The following CPNE8 variants were observed in gnomAD, a reference collection of about 807,000 sequenced individuals.
CPNE8 encodes copine 8.
CPNE8 carries 45 observed loss-of-function variants against 81.5 expected under a neutral mutation model. That is an observed-to-expected ratio of 0.55 (90% CI 0.44 to 0.71). The LOEUF is 0.71. Ranked by LOEUF, CPNE8 falls within the 30% of genes least tolerant of loss-of-function variation. The pLI is 0.00. For synonymous variants in CPNE8, 252 were observed against 226.3 expected (o/e 1.11, Z -1.02); for missense variants, 594 against 672.1 (o/e 0.88, Z 1.28).
intron 1 of CPNE8, among the ~76,000 whole-genome samples, chr12:38,885,778 T>C (rs370128333): frequency 1.4e-4 from 21 of 151,574 alleles, no homozygotes; most frequent in African/African-American, 4.9e-4. Context: ...GGGTGGGAGG[T>C]GACTGGATCA....
chr12:38,662,080 C>G (rs1403328032), intron 19 of CPNE8, among the ~76,000 whole-genome samples: 1 of 152,100 alleles, frequency 6.6e-6, no homozygotes, highest in East Asian at 1.9e-4. Context: ...AAAACTTTTC[C>G]TCAAAGAACT....
chr12:38,873,092 TG>T, intron 2 of CPNE8, 42 bp from the exon 3 acceptor site: 1 of 1,239,836 alleles, frequency 8.1e-7, no homozygotes, highest in Non-Finnish European at 1.2e-6. Context: ...ATGTCTTTTA[TG>T]AAAATCATAT....
intron 1 of CPNE8, among the ~76,000 whole-genome samples, chr12:38,902,315 G>GGAAAGAAAGAAA (rs201678434): frequency 2.0e-4 from 17 of 83,814 alleles, no homozygotes; most frequent in East Asian, 7.2e-4. Context: ...AAGGAAGGAA[G>GGAAAGAAAGAAA]GAAAGAAAGA....
At chr12:38,736,262 T>C (rs1337670076) in intron 10 of CPNE8, among the ~76,000 whole-genome samples, 1 of 143,086 alleles carries the variant, frequency 7.0e-6, no homozygotes. Flanking sequence ...TCTATAATTC[T>C]AAATTTTAGT....
chr12:38,733,233 C>T (rs2136771299), intron 10 of CPNE8, among the ~76,000 whole-genome samples: 1 of 151,966 alleles, frequency 6.6e-6, no homozygotes, highest in African/African-American at 2.4e-5. Flanking sequence ...TATTTTTATA[C>T]TTTCTAACCT....
intron 6 of CPNE8, among the ~76,000 whole-genome samples, chr12:38,807,715 C>T (rs1942842865): frequency 1.3e-5 from 2 of 150,892 alleles, no homozygotes; most frequent in Non-Finnish European, 3.0e-5. Flanking sequence ...GTCTAAAACA[C>T]CAAAAGCAAT....
intron 7 of CPNE8, among the ~76,000 whole-genome samples, chr12:38,771,223 G>A (rs937925513): frequency 6.6e-6 from 1 of 151,936 alleles, no homozygotes; most frequent in Non-Finnish European, 1.5e-5. Context: ...CTTTGGGAGG[G>A]CAAGGGGGGC....
At chr12:38,899,488 T>A (rs923824880) in intron 1 of CPNE8, among the ~76,000 whole-genome samples, 21 of 152,186 alleles carry the variant, frequency 1.4e-4, no homozygotes, top group Non-Finnish European at 2.6e-4. Context: ...AGCCACCTTG[T>A]CTCTGGTACT....
intron 6 of CPNE8, among the ~76,000 whole-genome samples, chr12:38,791,815 G>A (rs761618204): frequency 4.6e-5 from 7 of 151,336 alleles, no homozygotes; most frequent in Non-Finnish European, 1.0e-4. Flanking sequence ...ACTATCTCCA[G>A]GACAGACCAC....
intron 10 of CPNE8, among the ~76,000 whole-genome samples, chr12:38,741,151 T>C (rs1277552034): frequency 6.6e-6 from 1 of 152,154 alleles, no homozygotes; most frequent in African/African-American, 2.4e-5. Context: ...AAGCTACCAA[T>C]GACTTTCTTC....
At chr12:38,856,615 G>A (rs534072157) in intron 3 of CPNE8, among the ~76,000 whole-genome samples, 7 of 152,198 alleles carry the variant, frequency 4.6e-5, no homozygotes, top group Admixed American at 2.6e-4. Flanking sequence ...ATTCTGAATC[G>A]ATAAAATAAA....
At chr12:38,718,899 T>C (rs1237493671) in intron 13 of CPNE8, among the ~76,000 whole-genome samples, 1 of 152,202 alleles carries the variant, frequency 6.6e-6, no homozygotes, top group Non-Finnish European at 1.5e-5. Flanking sequence ...AGTGACATAC[T>C]AGCATATACA....
At chr12:38,885,886 C>T (rs765722432) in intron 1 of CPNE8, among the ~76,000 whole-genome samples, 1 of 152,176 alleles carries the variant, frequency 6.6e-6, no homozygotes, top group Non-Finnish European at 1.5e-5. Context: ...CTCTCTCTCT[C>T]CTGCTCCACC....
intron 3 of CPNE8, among the ~76,000 whole-genome samples, chr12:38,858,321 TC>T (rs1943777336): frequency 6.6e-6 from 1 of 152,196 alleles, no homozygotes. Context: ...CTGGGAGGGT[TC>T]TTAGCTTCAC....
intron 19 of CPNE8, among the ~76,000 whole-genome samples, chr12:38,656,505 C>T (rs1253433890): frequency 3.9e-5 from 6 of 152,116 alleles, no homozygotes; most frequent in African/African-American, 1.4e-4. Flanking sequence ...CTTGCTCCTA[C>T]ATTATGGACA....
rs952912189 is a variant in CPNE8, at chr12:38,735,542, T to C, written c.723-5184A>G. Among the ~76,000 whole-genome samples the C allele has an allele frequency of 7.9e-5, 12 of 152,166 alleles. No homozygotes were observed. In the East Asian group the frequency reaches 2.1e-3, roughly 27 times the overall value. On this transcript the variant is annotated intron_variant, in intron 10 of 19. Transcript: ENST00000331366. ...TTTTGCTAACTTTCTTTGCTTTTGT[T>C]GTAGGCATAGTGTTTGACAAACTTC... is the stretch of plus-strand genomic sequence containing the variant.
rs938620965 is a variant in CPNE8, at chr12:38,865,823, C to T, written c.186+7181G>A. On this transcript the variant is annotated intron_variant, in intron 3 of 19. Coordinates refer to ENST00000331366, the MANE Select transcript of CPNE8 (RefSeq NM_153634.3). Reference sequence around the variant, plus strand: ...AAAATATTCTGGATTTGCTTTTCAGCTAACAACCAGCAAAGTTCTGTCTAA... The same window carrying T: ...AAAATATTCTGGATTTGCTTTTCAGTTAACAACCAGCAAAGTTCTGTCTAA... Among the ~76,000 whole-genome samples, 8 of 152,298 alleles carry T rather than the reference C, an allele frequency of 5.3e-5. No homozygotes were observed. The East Asian group carries it at 7.7e-4, about 15-fold the overall frequency.
chr12:38,737,365 A>G (rs1940980163), intron 10 of CPNE8, among the ~76,000 whole-genome samples: 1 of 152,122 alleles, frequency 6.6e-6, no homozygotes, highest in Non-Finnish European at 1.5e-5. Context: ...AAATATACAC[A>G]TATACTTCAG....
chr12:38,803,504 A>T (rs1175855417), intron 6 of CPNE8, among the ~76,000 whole-genome samples: 1 of 149,326 alleles, frequency 6.7e-6, no homozygotes, highest in South Asian at 2.2e-4. Context: ...GATGGGACGT[A>T]TTTCAGAATA....
Sources: allele counts gnomAD v4.1 joint callset (sites outside exome capture counted in the v4.1 genomes callset), GRCh38; gene constraint gnomAD v4.1.1; transcripts MANE v1.5; gene names NCBI Gene and HGNC (gene_info 2026-07-23, HGNC 2026-07-21).